MAGI1: variants seen among roughly 807,000 people sequenced by gnomAD.
MAGI1 encodes the protein membrane associated guanylate kinase, WW and PDZ domain containing 1.
Under a neutral mutation model 139.9 loss-of-function variants are expected in MAGI1, and 58 were observed. That is an observed-to-expected ratio of 0.41 (90% CI 0.34 to 0.52). The LOEUF is 0.52. Among genes scored for constraint, MAGI1 ranks in the 20% least tolerant of loss-of-function variants. MAGI1 has a pLI of 0.12. For synonymous variants in MAGI1, 812 were observed against 737.9 expected, an observed-to-expected ratio of 1.10 and a Z score of -1.63; for missense variants, 1,874 against 1,901.6, an observed-to-expected ratio of 0.99 and a Z score of 0.27.
At chr3:65,750,714 G>A (rs1179974583) in intron 1 of MAGI1, among the ~76,000 whole-genome samples, 1 of 152,056 alleles carries the variant, frequency 6.6e-6, no homozygotes, top group Non-Finnish European at 1.5e-5. Flanking sequence ...TAGAATCTCG[G>A]GTTTCATGAA....
At chr3:65,973,533 C>T (rs1039253624) in intron 1 of MAGI1, among the ~76,000 whole-genome samples, 2 of 152,194 alleles carry the variant, frequency 1.3e-5, no homozygotes, top group Non-Finnish European at 2.9e-5. Flanking sequence ...CCAAACTATG[C>T]ACTCCCGAAG....
intron 2 of MAGI1, among the ~76,000 whole-genome samples, chr3:65,609,425 G>A (rs7635431): frequency 0.33 from 50,226 of 151,462 alleles, 9,499 homozygotes; most frequent in Non-Finnish European, 0.43. Flanking sequence ...CTACAGGTAC[G>A]TGCCACCATG....
chr3:65,445,800 G>A (rs1391595781), intron 7 of MAGI1, among the ~76,000 whole-genome samples: 4 of 152,172 alleles, frequency 2.6e-5, no homozygotes, highest in Admixed American at 2.0e-4. Context: ...CAAATGATCT[G>A]TGTCCAATAC....
At chr3:65,467,800 T>A (rs566162540) in intron 5 of MAGI1, among the ~76,000 whole-genome samples, 1 of 152,336 alleles carries the variant, frequency 6.6e-6, no homozygotes, top group East Asian at 1.9e-4. Context: ...TATCCTTCCC[T>A]TTTCTCAGCG....
At chr3:65,370,140 T>C (rs988090116) in intron 18 of MAGI1, among the ~76,000 whole-genome samples, 5 of 151,978 alleles carry the variant, frequency 3.3e-5, no homozygotes, top group Admixed American at 2.0e-4. Flanking sequence ...AACTCTAATT[T>C]CCAAAATGCT....
At chr3:65,990,884 G>A (rs1374991318) in intron 1 of MAGI1, among the ~76,000 whole-genome samples, 1 of 152,172 alleles carries the variant, frequency 6.6e-6, no homozygotes, top group Non-Finnish European at 1.5e-5. Context: ...ATACTTGGGA[G>A]GCTGAGGCAA....
At chr3:65,850,086 G>C (rs2059151776) in intron 1 of MAGI1, among the ~76,000 whole-genome samples, 1 of 151,952 alleles carries the variant, frequency 6.6e-6, no homozygotes, top group Admixed American at 6.6e-5. Context: ...ACTGATATTA[G>C]AAGTGAAATA....
intron 2 of MAGI1, among the ~76,000 whole-genome samples, chr3:65,573,241 A>C (rs1458756598): frequency 6.6e-6 from 1 of 152,108 alleles, no homozygotes; most frequent in Admixed American, 6.6e-5. Context: ...CATATTTAAA[A>C]TCATTAGAAC....
At chr3:65,434,325 A>G (rs1221399254) in intron 10 of MAGI1, among the ~76,000 whole-genome samples, 1 of 152,166 alleles carries the variant, frequency 6.6e-6, no homozygotes, top group Non-Finnish European at 1.5e-5. Context: ...GGCACATAAT[A>G]AGAGCTCAAT....
At chr3:65,943,213 G>C (rs2063394458) in intron 1 of MAGI1, among the ~76,000 whole-genome samples, 1 of 152,140 alleles carries the variant, frequency 6.6e-6, no homozygotes, top group Non-Finnish European at 1.5e-5. Flanking sequence ...GCTGGGAGAA[G>C]ATGGAGAAAC....
chr3:65,484,641 C>T (rs1951511823), intron 3 of MAGI1, among the ~76,000 whole-genome samples: 1 of 152,116 alleles, frequency 6.6e-6, no homozygotes, highest in South Asian at 2.1e-4. Flanking sequence ...ATTGCCTTCA[C>T]CTTGTTCTTT....
At chr3:65,968,249 A>G (rs1245011985) in intron 1 of MAGI1, among the ~76,000 whole-genome samples, 5 of 152,254 alleles carry the variant, frequency 3.3e-5, no homozygotes, top group Non-Finnish European at 7.3e-5. Flanking sequence ...TTGAACCAGG[A>G]AAGTCCACTA....
intron 1 of MAGI1, among the ~76,000 whole-genome samples, chr3:65,774,434 C>T (rs747942705): frequency 6.6e-6 from 1 of 152,082 alleles, no homozygotes; most frequent in African/African-American, 2.4e-5. Flanking sequence ...TTTCTGAAGT[C>T]CATGTTTGTT....
intron 3 of MAGI1, among the ~76,000 whole-genome samples, chr3:65,480,261 A>AGT (rs1464175423): frequency 2.6e-5 from 4 of 151,960 alleles, no homozygotes; most frequent in African/African-American, 9.7e-5. Flanking sequence ...AGCAGGGTAC[A>AGT]GTGGATCATG....
intron 13 of MAGI1, among the ~76,000 whole-genome samples, chr3:65,392,503 A>G (rs1944010629): frequency 6.6e-6 from 1 of 152,056 alleles, no homozygotes; most frequent in Non-Finnish European, 1.5e-5. Flanking sequence ...CGTGGTTTTA[A>G]AGTACTTTAT....
chr3:65,732,470 CCA>C (rs1413620858), intron 1 of MAGI1, among the ~76,000 whole-genome samples: 3 of 146,342 alleles, frequency 2.0e-5, no homozygotes, highest in Non-Finnish European at 1.5e-5. Context: ...TCATTTCAAA[CCA>C]CCAGCATCCT....
intron 5 of MAGI1, among the ~76,000 whole-genome samples, chr3:65,461,215 ATTTAT>A (rs1949760218): frequency 6.6e-6 from 1 of 151,684 alleles, no homozygotes; most frequent in South Asian, 2.1e-4. Context: ...CTTTTTATTT[ATTTAT>A]TTATTTATTT....
chr3:65,598,420 A>G (rs959991820), intron 2 of MAGI1, among the ~76,000 whole-genome samples: 4 of 152,174 alleles, frequency 2.6e-5, no homozygotes, highest in Admixed American at 2.6e-4. Context: ...TTGGTTAGGG[A>G]TACAACCCTG....
intron 5 of MAGI1, among the ~76,000 whole-genome samples, chr3:65,453,557 T>A (rs1304200410): frequency 6.6e-6 from 1 of 152,142 alleles, no homozygotes; most frequent in Non-Finnish European, 1.5e-5. Flanking sequence ...TAACATATGA[T>A]TATTCAATTA....
Sources: gnomAD v4.1 joint callset for allele counts (sites outside exome capture counted in the v4.1 genomes callset) on GRCh38, gnomAD v4.1.1 for gene constraint, MANE v1.5 for transcripts, NCBI Gene and HGNC (gene_info 2026-07-23, HGNC 2026-07-21) for gene names.